KLHL6: variants seen among roughly 807,000 people sequenced by gnomAD.
KLHL6 encodes the protein kelch-like protein 6.
In KLHL6, 41 loss-of-function variants were observed where a neutral mutation model predicts 58.6. The observed-to-expected ratio is 0.70, with a 90% CI of 0.55 to 0.91. KLHL6 has a LOEUF of 0.91. Among genes scored for constraint, KLHL6 ranks in the 40% least tolerant of loss-of-function variants. The probability of loss-of-function intolerance (pLI) is 0.00; values close to 1 mark genes in which losing one functional copy is unlikely to be tolerated. For missense variants in KLHL6, 714 were observed against 805.6 expected (o/e 0.89, Z 1.38); for synonymous variants, 338 against 322.7 (o/e 1.05, Z -0.51).
chr3:183,547,890 T>G (rs771428030), intron 1 of KLHL6, among the ~76,000 whole-genome samples: 3 of 152,198 alleles, frequency 2.0e-5, no homozygotes, highest in Non-Finnish European at 4.4e-5. Context: ...TAACAGGTCA[T>G]TTCCTATGAC....
intron 1 of KLHL6, among the ~76,000 whole-genome samples, chr3:183,537,963 A>G (rs1160454212): frequency 6.6e-6 from 1 of 152,092 alleles, no homozygotes; most frequent in Non-Finnish European, 1.5e-5. Context: ...TGCCACCACC[A>G]AGTAGGGACG....
At chr3:183,495,374 A>G (rs779621086) in intron 4 of KLHL6, among the ~76,000 whole-genome samples, 7 of 152,142 alleles carry the variant, frequency 4.6e-5, no homozygotes, top group Non-Finnish European at 8.8e-5. Flanking sequence ...GTTTTCGCTT[A>G]CTATGAGGGA....
chr3:183,511,039 G>A (rs1718169838), intron 2 of KLHL6, among the ~76,000 whole-genome samples: 1 of 152,120 alleles, frequency 6.6e-6, no homozygotes, highest in Non-Finnish European at 1.5e-5. Context: ...GGGCCCAGGG[G>A]ACCAGCGCTC....
At chr3:183,547,610 G>A (rs566817101) in intron 1 of KLHL6, among the ~76,000 whole-genome samples, 9 of 152,254 alleles carry the variant, frequency 5.9e-5, no homozygotes, top group African/African-American at 1.9e-4. Flanking sequence ...TTCTCTCACT[G>A]TGGACATTTA....
chr3:183,532,319 C>T (rs1712188995), intron 1 of KLHL6, among the ~76,000 whole-genome samples: 2 of 152,174 alleles, frequency 1.3e-5, no homozygotes, highest in African/African-American at 2.4e-5. Context: ...CACCAGAAAC[C>T]AGATCATGCT....
intron 2 of KLHL6, among the ~76,000 whole-genome samples, chr3:183,525,267 A>ACACACACACACACACACACAC (rs1553811023): frequency 0.14 from 17,460 of 123,798 alleles, 1,554 homozygotes; most frequent in Non-Finnish European, 0.18. Flanking sequence ...CTCTAAAAAA[A>ACACACACACACACACACACAC]AAACACACAC....
chr3:183,504,685 T>A (rs916178796), intron 3 of KLHL6, among the ~76,000 whole-genome samples: 14 of 152,200 alleles, frequency 9.2e-5, no homozygotes, highest in Non-Finnish European at 1.5e-5. Context: ...ATGTTTAAAT[T>A]GTTTTAAAGT....
intron 2 of KLHL6, among the ~76,000 whole-genome samples, chr3:183,517,655 T>C (rs1711609585): frequency 6.6e-6 from 1 of 152,174 alleles, no homozygotes; most frequent in Non-Finnish European, 1.5e-5. Context: ...ACAATTGTGT[T>C]CAATCAGCAA....
Position 183,522,425 on chromosome 3 carries a change from A to T in KLHL6, c.459+5420T>A, listed in dbSNP as rs573820239. On this transcript the variant is annotated intron_variant, in intron 2 of 6. Transcript: ENST00000341319. Reference sequence around the variant, plus strand: ...ATTGCTTAATGCTTACAGTAGCCACACAGCAACACTGGTTGACCAAATTTA... The same window carrying T: ...ATTGCTTAATGCTTACAGTAGCCACTCAGCAACACTGGTTGACCAAATTTA... 7 of 152,368 alleles carry T rather than the reference A, an allele frequency of 4.6e-5. No individual in the cohort carries two copies. In the South Asian group the frequency reaches 1.4e-3, roughly 32 times the overall value. The allele number at this position is 152,368 out of a possible 1,614,324, so 9.4% of individuals were successfully genotyped here.
intron 2 of KLHL6, among the ~76,000 whole-genome samples, chr3:183,518,889 G>A (rs3811727): frequency 0.51 from 77,683 of 151,942 alleles, 20,523 homozygotes; most frequent in Non-Finnish European, 0.58. Flanking sequence ...AGGGACAAGA[G>A]AGAGATTGTC....
intron 1 of KLHL6, among the ~76,000 whole-genome samples, chr3:183,543,274 G>A (rs1360601884): frequency 3.5e-5 from 5 of 144,468 alleles, no homozygotes; most frequent in East Asian, 2.0e-4. Context: ...GCGACAGAGC[G>A]AAACTCCATT....
At chr3:183,531,429 CT>C (rs201502844) in intron 1 of KLHL6, among the ~76,000 whole-genome samples, 1 of 132,022 alleles carries the variant, frequency 7.6e-6, no homozygotes, top group Non-Finnish European at 1.6e-5. Context: ...TCTTTCTGTT[CT>C]TTTTTTGTCT....
chr3:183,538,080 A>T (rs1180546846), intron 1 of KLHL6, among the ~76,000 whole-genome samples: 2 of 152,110 alleles, frequency 1.3e-5, no homozygotes. Context: ...TATCAAATAT[A>T]TCTGGAGGAT....
At position 183,508,118 on chromosome 3, in the gene KLHL6, A is replaced by T. The variant is rs752031777; in HGVS notation, c.850T>A (p.Cys284Ser). 6.2e-7 allele frequency: 1 copy of T among 1,614,184 alleles called. No individual in the cohort carries two copies. The highest frequency in any genetic ancestry group is 8.5e-7 in the Non-Finnish European group (1 of 1,180,026). The part of the protein sequence containing the change: ...TVEADPLIRQ[C>S]PEVFPLLQEA... ...TGGAGCAGCGGGAAGACCTCTGGGC[A>T]CTGCCTGATGAGAGGATCTGCTTCC... is the stretch of plus-strand genomic sequence containing the variant. Residue 284 changes from cysteine to serine, a missense_variant, in exon 3 of 7, where the codon TGC (cysteine) becomes AGC (serine). By Grantham distance (112) the Cys-to-Ser change is moderately radical. Coordinates refer to ENST00000341319, the MANE Select transcript of KLHL6 (RefSeq NM_130446.4).
chr3:183,534,950 AT>A (rs1314848457), intron 1 of KLHL6, among the ~76,000 whole-genome samples: 82 of 96,756 alleles, frequency 8.5e-4, no homozygotes, highest in East Asian at 3.5e-3. Flanking sequence ...ATATATATAT[AT>A]TTTTTTTTTT....
At chr3:183,516,382 G>T (rs778760643) in intron 2 of KLHL6, among the ~76,000 whole-genome samples, 1 of 152,194 alleles carries the variant, frequency 6.6e-6, no homozygotes, top group Non-Finnish European at 1.5e-5. Flanking sequence ...GGCCTGTCCC[G>T]ATGACACATG....
chr3:183,531,562 C>G (rs1490557867), intron 1 of KLHL6, among the ~76,000 whole-genome samples: 2 of 150,174 alleles, frequency 1.3e-5, no homozygotes, highest in Non-Finnish European at 3.0e-5. Context: ...CCATTCTCCT[C>G]CAGCCTCCCA....
intron 1 of KLHL6, among the ~76,000 whole-genome samples, chr3:183,542,867 G>A (rs1203046090): frequency 6.8e-6 from 1 of 147,006 alleles, no homozygotes; most frequent in Admixed American, 6.9e-5. Flanking sequence ...TGGATGGATG[G>A]ATGGATGGAT....
At chr3:183,506,005 T>G (rs929272565) in intron 3 of KLHL6, among the ~76,000 whole-genome samples, 5 of 152,042 alleles carry the variant, frequency 3.3e-5, no homozygotes, top group Non-Finnish European at 5.9e-5. Context: ...ACAAAAAAAC[T>G]AGAAAAGAAC....
Sources: gnomAD v4.1 joint callset for allele counts (sites outside exome capture counted in the v4.1 genomes callset) on GRCh38, gnomAD v4.1.1 for gene constraint, MANE v1.5 for transcripts, NCBI Gene and HGNC (gene_info 2026-07-23, HGNC 2026-07-21) for gene names.